The following KDM4C variants were observed in gnomAD, a reference collection of about 807,000 sequenced individuals.
KDM4C encodes the protein lysine-specific demethylase 4C.
Under a neutral mutation model 129.3 loss-of-function variants are expected in KDM4C, and 81 were observed. That is an observed-to-expected ratio of 0.63 (90% CI 0.52 to 0.75). The LOEUF (loss-of-function observed/expected upper bound fraction) is 0.75. KDM4C is among the 30% of genes least tolerant of loss of function. KDM4C has a pLI of 0.00. For missense variants in KDM4C, 1,457 were observed against 1,304.0 expected (o/e 1.12, Z -1.81); for synonymous variants, 573 against 456.1 (o/e 1.26, Z -3.26).
intron 4 of KDM4C, among the ~76,000 whole-genome samples, chr9:6,828,610 C>A (rs1834283068): frequency 6.6e-6 from 1 of 152,064 alleles, no homozygotes; most frequent in South Asian, 2.1e-4. Flanking sequence ...GTGGCTCACG[C>A]CTGTAATCCC....
intron 1 of KDM4C, among the ~76,000 whole-genome samples, chr9:6,767,277 T>G (rs770401028): frequency 6.6e-6 from 1 of 151,970 alleles, no homozygotes; most frequent in Non-Finnish European, 1.5e-5. Flanking sequence ...TAGCTGGGAC[T>G]ACAGGCACCC....
In KDM4C at chr9:6,967,767, G is replaced by A. The variant is rs138843362; in HGVS notation, c.922-13158G>A. ...CTCGAGTTCAGAGTTCAGAAGATCC[G>A]GGATGATACACATTATTAGTACTCC... is the stretch of plus-strand genomic sequence containing the variant. On this transcript the variant is annotated intron_variant, in intron 8 of 21. Transcript: ENST00000381309. 4.1e-3 allele frequency among the ~76,000 whole-genome samples: 624 copies of A among 152,216 alleles called. 4 individuals are homozygous for A. The highest frequency in any genetic ancestry group is 0.014 in the African/African-American group (569 of 41,534).
At position 7,103,313 on chromosome 9, in the gene KDM4C, T is replaced by C. The variant is rs574687331; in HGVS notation, c.2425-372T>C. Among the ~76,000 whole-genome samples, 4 of 152,326 alleles carry C rather than the reference T, an allele frequency of 2.6e-5. No individual in the cohort carries two copies. The East Asian group carries it at 7.7e-4, about 29-fold the overall frequency. On this transcript the variant is annotated intron_variant, in intron 17 of 21. Coordinates refer to ENST00000381309, the MANE Select transcript of KDM4C (RefSeq NM_015061.6). ...CTACTTCTTGATGCACAGAAAGACC[T>C]GTCATGCAGGAGGGCAAAACAGAAG...
chr9:7,141,091 C>T (rs1841694027), intron 19 of KDM4C, among the ~76,000 whole-genome samples: 1 of 152,156 alleles, frequency 6.6e-6, no homozygotes, highest in Non-Finnish European at 1.5e-5. Flanking sequence ...CAGGAGGAAG[C>T]CCCCTTGGAC....
At chr9:6,964,418 C>G (rs565386157) in intron 8 of KDM4C, among the ~76,000 whole-genome samples, 1 of 151,216 alleles carries the variant, frequency 6.6e-6, no homozygotes, top group Non-Finnish European at 1.5e-5. Flanking sequence ...AGGACATGAA[C>G]TCATCCTTTT....
chr9:6,878,274 G>A (rs1478415344), intron 5 of KDM4C, among the ~76,000 whole-genome samples: 1 of 152,022 alleles, frequency 6.6e-6, no homozygotes, highest in African/African-American at 2.4e-5. Flanking sequence ...AGCAATAGTT[G>A]GTTAACCATA....
chr9:7,131,234 G>A (rs1017625810), intron 19 of KDM4C, among the ~76,000 whole-genome samples: 2 of 152,050 alleles, frequency 1.3e-5, no homozygotes, highest in Non-Finnish European at 2.9e-5. Flanking sequence ...TAATTCAATC[G>A]TGTTGTGTTT....
intron 15 of KDM4C, among the ~76,000 whole-genome samples, chr9:7,031,361 G>C (rs186970765): frequency 2.0e-5 from 3 of 151,786 alleles, no homozygotes; most frequent in East Asian, 1.9e-4. Flanking sequence ...GGGTTTCACC[G>C]TGTTGGCCAG....
intron 8 of KDM4C, among the ~76,000 whole-genome samples, chr9:6,974,454 G>C (rs867078346): frequency 7.2e-5 from 11 of 152,180 alleles, no homozygotes; most frequent in African/African-American, 2.7e-4. Flanking sequence ...ACGCCTCTTG[G>C]GTTCAAGCAG....
intron 5 of KDM4C, among the ~76,000 whole-genome samples, chr9:6,856,044 C>T (rs932051045): frequency 1.3e-5 from 2 of 152,098 alleles, no homozygotes; most frequent in Admixed American, 1.3e-4. Flanking sequence ...CCTGGCCCCA[C>T]CAGTCTTTTA....
intron 17 of KDM4C, chr9:7,077,280 G>A: frequency 2.1e-6 from 2 of 955,492 alleles, no homozygotes; most frequent in Non-Finnish European, 2.5e-6. Context: ...ATTAGTGCTT[G>A]TAATTTGATT....
intron 1 of KDM4C, 83 bp from the exon 2 acceptor site, chr9:6,792,889 G>A: frequency 7.4e-7 from 1 of 1,346,314 alleles, no homozygotes. Flanking sequence ...GGTTCCTGCT[G>A]GGGGAGCTGA....
At chr9:6,844,573 G>A (rs537248245) in intron 4 of KDM4C, among the ~76,000 whole-genome samples, 2 of 152,348 alleles carry the variant, frequency 1.3e-5, no homozygotes, top group African/African-American at 2.4e-5. Flanking sequence ...AGAGTTAAAC[G>A]AAGTTACACA....
chr9:7,131,123 G>T (rs913739211), intron 19 of KDM4C, among the ~76,000 whole-genome samples: 1 of 151,964 alleles, frequency 6.6e-6, no homozygotes, highest in African/African-American at 2.4e-5. Flanking sequence ...CTTTGTGCAG[G>T]TCTTCTCTAT....
intron 15 of KDM4C, among the ~76,000 whole-genome samples, chr9:7,046,239 G>A (rs1829370617): frequency 6.6e-6 from 1 of 151,942 alleles, no homozygotes; most frequent in Non-Finnish European, 1.5e-5. Context: ...GAAAGGTTAA[G>A]CTTATGTGGG....
Position 7,052,909 on chromosome 9 carries a change from G to GCGAGCGAGCGAGAGA in KDM4C, c.2424+3709_2424+3710insCGAGCGAGCGAGAGA, listed in dbSNP as rs767668455. On this transcript the variant is annotated intron_variant, in intron 17 of 21. Transcript: ENST00000381309. ...AGAGAGAGAGAGAGAGAGCGAGCGA[G>GCGAGCGAGCGAGAGA]TGCCCAAGGGATGACAATAGAGCAT... Among the ~76,000 whole-genome samples, 167 of 100,188 alleles carry GCGAGCGAGCGAGAGA rather than the reference G, an allele frequency of 1.7e-3. 8 individuals are homozygous for GCGAGCGAGCGAGAGA. The highest frequency in any genetic ancestry group is 2.2e-3 in the Non-Finnish European group (112 of 51,834). The allele number at this position is 100,188 out of a possible 152,430, so 65.7% of individuals were successfully genotyped here. A position where few individuals can be genotyped will look rare whatever the true frequency, so the allele number is the denominator to read the frequency against.
chr9:6,857,949 A>C (rs1462727726), intron 5 of KDM4C, among the ~76,000 whole-genome samples: 1 of 93,412 alleles, frequency 1.1e-5, no homozygotes, highest in African/African-American at 5.5e-5. Flanking sequence ...TTTTTTTTAG[A>C]GATGGGGTTT....
chr9:6,801,834 G>C (rs946193995), intron 2 of KDM4C, among the ~76,000 whole-genome samples: 10 of 152,102 alleles, frequency 6.6e-5, no homozygotes, highest in African/African-American at 2.4e-4. Flanking sequence ...GCTGGGCGCG[G>C]TGGCTCATGC....
chr9:6,794,829 C>T (rs1393504810), intron 2 of KDM4C, among the ~76,000 whole-genome samples: 4 of 152,084 alleles, frequency 2.6e-5, no homozygotes, highest in Non-Finnish European at 5.9e-5. Flanking sequence ...GCTGAGAACT[C>T]ATTGCACATT....
Sources: gnomAD v4.1 joint callset for allele counts (sites outside exome capture counted in the v4.1 genomes callset) on GRCh38, gnomAD v4.1.1 for gene constraint, MANE v1.5 for transcripts, NCBI Gene and HGNC (gene_info 2026-07-23, HGNC 2026-07-21) for gene names.